Variants in GRIP1 observed in about 807,000 individuals in gnomAD.
GRIP1 encodes glutamate receptor interacting protein 1.
A neutral mutation model predicts 129.9 loss-of-function variants in GRIP1; 45 were observed. The ratio of observed to expected loss-of-function variants is 0.35; its 90% CI spans 0.27 to 0.44. GRIP1 has a LOEUF of 0.44. Ranked by LOEUF, GRIP1 falls within the 20% of genes least tolerant of loss-of-function variation. GRIP1 has a pLI of 1.00. For missense variants in GRIP1, 1,196 were observed against 1,396.8 expected (o/e 0.86, Z 2.29); for synonymous variants, 530 against 520.8 (o/e 1.02, Z -0.24).
In GRIP1 at chr12:66,778,949, T is replaced by C. The variant is rs1156542747; in HGVS notation, c.-420+25104A>G. Among the ~76,000 whole-genome samples, 7 of 152,178 alleles carry C rather than the reference T, an allele frequency of 4.6e-5. 1 individual carries two copies. The Middle Eastern group carries it at 0.01, about 222-fold the overall frequency. On this transcript the variant is annotated intron_variant, in intron 1 of 4. Coordinates refer to the GRIP1 transcript ENST00000538373. The stretch of plus-strand genomic sequence containing the variant: ...CTCACCTCTAGCCAAAATTTGAAAA[T>C]GTGAGGAAGAACTCTATCCCGTTAA...
chr12:66,582,969 A>C (rs1468187746), intron 2 of GRIP1, among the ~76,000 whole-genome samples: 8 of 151,130 alleles, frequency 5.3e-5, no homozygotes, highest in Non-Finnish European at 7.4e-5. Flanking sequence ...AGCCAAAAGA[A>C]CAAAGCTGGA....
intron 1 of GRIP1, among the ~76,000 whole-genome samples, chr12:66,844,172 G>A (rs1466548908): frequency 6.6e-6 from 1 of 151,006 alleles, no homozygotes; most frequent in African/African-American, 2.4e-5. Flanking sequence ...ATATACAAAT[G>A]GCCAATTAGC....
At chr12:66,977,059 G>A (rs756378647) in intron 1 of GRIP1, among the ~76,000 whole-genome samples, 1 of 152,024 alleles carries the variant, frequency 6.6e-6, no homozygotes, top group Non-Finnish European at 1.5e-5. Context: ...ATACAATTTC[G>A]GAAACAGAAG....
intron 11 of GRIP1, among the ~76,000 whole-genome samples, 192 bp downstream of exon 11, chr12:66,455,217 G>A (rs1202112690): frequency 6.6e-6 from 1 of 152,160 alleles, no homozygotes; most frequent in Non-Finnish European, 1.5e-5. Context: ...AGTTAAATTG[G>A]GGTGCAGTCA....
At chr12:66,973,198 A>G (rs1240906203) in intron 1 of GRIP1, among the ~76,000 whole-genome samples, 1 of 151,950 alleles carries the variant, frequency 6.6e-6, no homozygotes, top group African/African-American at 2.4e-5. Flanking sequence ...TAAAACTGTT[A>G]TTTTTTCAGT....
chr12:66,534,444 T>C (rs2061549658), intron 4 of GRIP1, among the ~76,000 whole-genome samples: 1 of 152,184 alleles, frequency 6.6e-6, no homozygotes, highest in Admixed American at 6.6e-5. Flanking sequence ...CCTACAATGA[T>C]AAATCTAAAT....
At chr12:66,566,543 T>C (rs1020780031) in intron 2 of GRIP1, among the ~76,000 whole-genome samples, 41 of 152,244 alleles carry the variant, frequency 2.7e-4, no homozygotes, top group African/African-American at 9.6e-4. Context: ...TGAGGATTTT[T>C]GCATTGATTT....
At chr12:66,400,019 A>G (rs1020132354) in intron 16 of GRIP1, among the ~76,000 whole-genome samples, 5 of 152,020 alleles carry the variant, frequency 3.3e-5, no homozygotes, top group Non-Finnish European at 7.4e-5. Flanking sequence ...GTAGAATTCA[A>G]ATTTCTTTGT....
At chr12:66,550,814 C>T (rs2062100338) in intron 2 of GRIP1, among the ~76,000 whole-genome samples, 1 of 152,172 alleles carries the variant, frequency 6.6e-6, no homozygotes, top group East Asian at 1.9e-4. Context: ...CAGGAAATGG[C>T]TCACCTCAGT....
At chr12:66,530,355 C>T (rs2061400782) in intron 4 of GRIP1, among the ~76,000 whole-genome samples, 1 of 152,134 alleles carries the variant, frequency 6.6e-6, no homozygotes, top group Non-Finnish European at 1.5e-5. Context: ...AATTATCATT[C>T]TCAGATTGCT....
chr12:66,525,126 T>A (rs2061177665), intron 5 of GRIP1, among the ~76,000 whole-genome samples: 1 of 152,208 alleles, frequency 6.6e-6, no homozygotes, highest in Non-Finnish European at 1.5e-5. Context: ...TGCCATTCCT[T>A]CTGAAATTAT....
At chr12:66,417,615 T>C (rs183557491) in intron 15 of GRIP1, among the ~76,000 whole-genome samples, 1 of 152,174 alleles carries the variant, frequency 6.6e-6, no homozygotes, top group East Asian at 1.9e-4. Context: ...AAATAAATAA[T>C]ACAAAATCAG....
At chr12:66,477,565 T>C (rs1430097595) in intron 7 of GRIP1, among the ~76,000 whole-genome samples, 3 of 152,032 alleles carry the variant, frequency 2.0e-5, no homozygotes, top group African/African-American at 7.2e-5. Flanking sequence ...GAGCCTGCAT[T>C]GCCAAGTCAA....
chr12:66,663,753 C>T (rs7977223), intron 1 of GRIP1, among the ~76,000 whole-genome samples: 2,691 of 152,308 alleles, frequency 0.018, 68 homozygotes, highest in African/African-American at 0.061. Flanking sequence ...GTGTGTCTAA[C>T]TTTGTAAACA....
At chr12:66,574,976 T>G (rs981764664) in intron 2 of GRIP1, among the ~76,000 whole-genome samples, 1 of 152,060 alleles carries the variant, frequency 6.6e-6, no homozygotes, top group Non-Finnish European at 1.5e-5. Flanking sequence ...TTCACCATGT[T>G]GGCCAGGATC....
chr12:66,908,579 T>A (rs2040975316), intron 1 of GRIP1, among the ~76,000 whole-genome samples: 1 of 152,090 alleles, frequency 6.6e-6, no homozygotes, highest in East Asian at 1.9e-4. Context: ...GAAACAGTGT[T>A]GCATATTAAA....
intron 7 of GRIP1, among the ~76,000 whole-genome samples, chr12:66,469,732 T>C (rs946945350): frequency 1.3e-5 from 2 of 152,216 alleles, no homozygotes; most frequent in Non-Finnish European, 2.9e-5. Flanking sequence ...CTCAGTCTTG[T>C]ATTCTCTCAC....
intron 1 of GRIP1, among the ~76,000 whole-genome samples, chr12:66,758,579 C>T (rs1411992441): frequency 1.3e-5 from 2 of 152,150 alleles, no homozygotes; most frequent in African/African-American, 4.8e-5. Context: ...ACCCAAAAGT[C>T]CATAGTCCAA....
At chr12:67,023,897 T>C (rs2042903344) in intron 1 of GRIP1, among the ~76,000 whole-genome samples, 1 of 152,006 alleles carries the variant, frequency 6.6e-6, no homozygotes, top group Non-Finnish European at 1.5e-5. Flanking sequence ...TTTTCTCTTC[T>C]TTTTCTTTGC....
Sources: allele counts gnomAD v4.1 joint callset (sites outside exome capture counted in the v4.1 genomes callset), GRCh38; gene constraint gnomAD v4.1.1; transcripts MANE v1.5; gene names NCBI Gene and HGNC (gene_info 2026-07-23, HGNC 2026-07-21).